The following PCDHGA9 variants were observed in gnomAD, a reference collection of about 807,000 sequenced individuals.
The protein encoded by PCDHGA9 is protocadherin gamma-A9.
In PCDHGA9, 37 loss-of-function variants were observed where a neutral mutation model predicts 62.5. That is an observed-to-expected ratio of 0.59 (90% CI 0.46 to 0.78). The LOEUF (loss-of-function observed/expected upper bound fraction) is 0.78. PCDHGA9 is among the 30% of genes least tolerant of loss of function. The probability of loss-of-function intolerance (pLI) is 0.00; values close to 1 mark genes in which losing one functional copy is unlikely to be tolerated. For missense variants in PCDHGA9, 1,138 were observed against 1,166.2 expected, an observed-to-expected ratio of 0.98 and a Z score of 0.35; for synonymous variants, 459 against 484.6, an observed-to-expected ratio of 0.95 and a Z score of 0.69.
chr5:141,496,342 G>A (rs1430202202), intron 2 of PCDHGA9, among the ~76,000 whole-genome samples: 1 of 152,208 alleles, frequency 6.6e-6, no homozygotes, highest in East Asian at 1.9e-4. Context: ...GAGCCTGGAG[G>A]AGTCTCAGAG....
intron 2 of PCDHGA9, among the ~76,000 whole-genome samples, chr5:141,500,410 C>G (rs2099800033): frequency 6.6e-6 from 1 of 151,774 alleles, no homozygotes; most frequent in Non-Finnish European, 1.5e-5. Flanking sequence ...GGGGTTTCAC[C>G]GTGTTAGCCA....
Position 141,404,875 on chromosome 5 carries a change from C to A in PCDHGA9, c.1923C>A (p.Ser641Arg). Residue 641 changes from serine (S) to arginine (R), a missense_variant, in exon 1 of 4, where the codon AGC becomes AGA. Coordinates refer to ENST00000573521, the MANE Select transcript of PCDHGA9 (RefSeq NM_018921.3). ...ALLDRDALKQ[S>R]LVVAVQDHGQ... ...TAGATAGAGATGCGCTCAAACAGAGCCTTGTGGTGGCTGTACAGGACCATG... is the reference window on the plus strand; with the variant it reads ...TAGATAGAGATGCGCTCAAACAGAGACTTGTGGTGGCTGTACAGGACCATG... 6.2e-7 allele frequency: 1 copy of A among 1,613,904 alleles called. No homozygotes were observed. Among genetic ancestry groups the A allele is most frequent in the Non-Finnish European group, 8.5e-7 (1 of 1,179,904 alleles).
At position 141,404,472 on chromosome 5, in the gene PCDHGA9, T is replaced by C; in HGVS notation, c.1520T>C (p.Ile507Thr). The C allele has an allele frequency of 6.2e-7, 1 of 1,613,692 alleles. No homozygotes were observed. The highest frequency in any genetic ancestry group is 8.5e-7 in the Non-Finnish European group (1 of 1,179,660). ...TCTCCTCTCTCCACCTATGTCTCTA[T>C]TAACTCAGACACTGGTGTGCTGTAT... is the stretch of plus-strand genomic sequence containing the variant. Reference protein sequence around the residue: ...QGSPLSTYVSINSDTGVLYAL... With the variant: ...QGSPLSTYVSTNSDTGVLYAL... Residue 507 changes from isoleucine (I) to threonine (T), a missense_variant, in exon 1 of 4, where the codon ATT (isoleucine) becomes ACT (threonine). Ile to Thr is a moderately conservative substitution (Grantham distance 89). Transcript: ENST00000573521.
At chr5:141,419,052 C>A (rs1017300472) in intron 1 of PCDHGA9, 6 of 1,613,948 alleles carry the variant, frequency 3.7e-6, no homozygotes, top group East Asian at 2.2e-5. Context: ...CATTCTTCTT[C>A]TAATAATTAC....
chr5:141,438,545 A>C (rs915206342), intron 1 of PCDHGA9, among the ~76,000 whole-genome samples: 4 of 140,354 alleles, frequency 2.8e-5, no homozygotes, highest in Admixed American at 7.4e-5. Flanking sequence ...TCTATATCTA[A>C]GCCCTAATAA....
chr5:141,461,595 A>C (rs2099018386), intron 1 of PCDHGA9, among the ~76,000 whole-genome samples: 1 of 152,144 alleles, frequency 6.6e-6, no homozygotes, highest in East Asian at 1.9e-4. Flanking sequence ...TATTTCCATT[A>C]TAATTTAGTT....
rs1375469711 is a variant in PCDHGA9 at position 141,512,102 on chromosome 5, C to G, written c.*929C>G. On this transcript the variant is annotated 3_prime_UTR_variant, in exon 4 of 4. Coordinates refer to ENST00000573521, the MANE Select transcript of PCDHGA9 (RefSeq NM_018921.3). Reference sequence around the variant, plus strand: ...GCCATAAACCAATAACTAGGCTGGACCCTTCCCACTACATAATAGGGCTCA... The same window carrying G: ...GCCATAAACCAATAACTAGGCTGGAGCCTTCCCACTACATAATAGGGCTCA... The G allele has an allele frequency of 6.5e-6, 1 of 152,806 alleles. No individual in the cohort carries two copies. The highest frequency in any genetic ancestry group is 1.9e-4 in the East Asian group (1 of 5,182). The allele number at this position is 152,806 out of a possible 1,614,324, so 9.5% of individuals were successfully genotyped here. A position where few individuals can be genotyped will look rare whatever the true frequency, so the allele number is the denominator to read the frequency against.
intron 1 of PCDHGA9, chr5:141,478,822 T>C: frequency 4.2e-6 from 6 of 1,444,070 alleles, no homozygotes; most frequent in Non-Finnish European, 5.5e-6. Flanking sequence ...AACTAACCAA[T>C]CTTGCTAAGG....
At chr5:141,413,082 A>T in intron 1 of PCDHGA9, 8 of 1,344,446 alleles carry the variant, frequency 6.0e-6, no homozygotes, top group Non-Finnish European at 8.1e-6. Context: ...CCCAGGCTAC[A>T]GAGACACCCT....
intron 1 of PCDHGA9, among the ~76,000 whole-genome samples, chr5:141,436,290 T>C (rs2097808305): frequency 6.6e-6 from 1 of 152,164 alleles, no homozygotes; most frequent in Non-Finnish European, 1.5e-5. Flanking sequence ...GAACAAATCA[T>C]TGAGAGTTAG....
At position 141,405,257 on chromosome 5, in the gene PCDHGA9, A is replaced by T. The variant is rs747554046; in HGVS notation, c.2305A>T (p.Ile769Phe). ...CGCTGACTCAAGGAAGAGTCACCTG[A>T]TCTTCCCCCAGCCCAACTATGCAGA... ...LTADSRKSHL[I>F]FPQPNYADTL... Residue 769 changes from isoleucine (I) to phenylalanine (F), a missense_variant, in exon 1 of 4, where the codon ATC (isoleucine) becomes TTC (phenylalanine). By Grantham distance (21) the Ile-to-Phe change is conservative (BLOSUM62 0). Coordinates refer to ENST00000573521, the MANE Select transcript of PCDHGA9 (RefSeq NM_018921.3). 2 of 1,613,954 alleles carry T rather than the reference A, an allele frequency of 1.2e-6. No individual in the cohort carries two copies. Among genetic ancestry groups the T allele is most frequent in the Non-Finnish European group, 1.7e-6 (2 of 1,179,952 alleles).
chr5:141,449,067 T>A lies in PCDHGA9; in HGVS notation c.2424+43691T>A, dbSNP rs547833131. On this transcript the variant is annotated intron_variant, in intron 1 of 3. Transcript: ENST00000573521. ...AGTCTCATAAATGAGCGCTATTGAA[T>A]AGCCCTGTACCTACATCAGTTTTTA... Among the ~76,000 whole-genome samples the A allele has an allele frequency of 3.3e-5, 5 of 152,342 alleles. No homozygotes were observed. In the East Asian group the frequency reaches 9.6e-4, roughly 29 times the overall value.
rs564486909 is a variant in PCDHGA9, at chr5:141,428,072, G to A, written c.2424+22696G>A. The A allele has an allele frequency of 1.6e-5, 25 of 1,609,080 alleles. No individual in the cohort carries two copies. The South Asian group carries it at 1.9e-4, about 12-fold the overall frequency. On this transcript the variant is annotated intron_variant, in intron 1 of 3. Coordinates refer to ENST00000573521, the MANE Select transcript of PCDHGA9 (RefSeq NM_018921.3). The stretch of plus-strand genomic sequence containing the variant: ...AGGTGGTGGCGGTGGACGCAGATTC[G>A]GGACACAACGCTTGGCTGTCCTACC...
chr5:141,495,384 C>A (rs2099760896), intron 2 of PCDHGA9, among the ~76,000 whole-genome samples: 1 of 152,190 alleles, frequency 6.6e-6, no homozygotes, highest in African/African-American at 2.4e-5. Flanking sequence ...AAGGACTGGG[C>A]GGGGCATGGA....
intron 1 of PCDHGA9, among the ~76,000 whole-genome samples, chr5:141,482,767 A>G (rs2099572087): frequency 6.6e-6 from 1 of 150,474 alleles, no homozygotes; most frequent in East Asian, 1.9e-4. Flanking sequence ...TTTCATTATC[A>G]CTGAACCTTA....
At chr5:141,478,625 T>A in intron 1 of PCDHGA9, 3 of 1,554,218 alleles carry the variant, frequency 1.9e-6, no homozygotes, top group Non-Finnish European at 2.6e-6. Context: ...ATGGAGCTGT[T>A]TTTTTAGTGA....
intron 3 of PCDHGA9, among the ~76,000 whole-genome samples, chr5:141,509,419 T>C (rs2154594533): frequency 6.6e-6 from 1 of 152,216 alleles, no homozygotes; most frequent in South Asian, 2.1e-4. Flanking sequence ...CGAGCCCCAA[T>C]GAGTCAAACT....
chr5:141,489,013 C>T lies in PCDHGA9; in HGVS notation c.2425-5794C>T, dbSNP rs533320646. ...AGGTGGGAGATCTGCTCTTCCAGCC[C>T]GCCTCTCCTCCTCCAGCTCCCCAGC... On this transcript the variant is annotated intron_variant, in intron 1 of 3. Coordinates refer to ENST00000573521, the MANE Select transcript of PCDHGA9 (RefSeq NM_018921.3). The surrounding 1 kb of genome is among the most constrained non-coding windows in gnomAD (Gnocchi z 4.5). 4.6e-5 allele frequency: 20 copies of T among 438,612 alleles called. No homozygotes were observed. Among genetic ancestry groups the T allele is most frequent in the East Asian group, 2.7e-4 (8 of 29,802 alleles). The allele number at this position is 438,612 out of a possible 1,614,324, so 27.2% of individuals were successfully genotyped here.
intron 1 of PCDHGA9, among the ~76,000 whole-genome samples, chr5:141,462,897 G>A (rs2099049236): frequency 6.6e-6 from 1 of 152,130 alleles, no homozygotes; most frequent in South Asian, 2.1e-4. Context: ...TGTTTTGGAA[G>A]GCTATTATGT....
Sources: gnomAD v4.1 joint callset for allele counts (sites outside exome capture counted in the v4.1 genomes callset) on GRCh38, gnomAD v4.1.1 for gene constraint, Gnocchi (gnomAD v3.1) non-coding constraint, MANE v1.5 for transcripts, NCBI Gene and HGNC (gene_info 2026-07-23, HGNC 2026-07-21) for gene names.